AP3B1: variants seen among roughly 807,000 people sequenced by gnomAD.
The protein encoded by AP3B1 is adaptor related protein complex 3 subunit beta 1, also known as AP-3 complex subunit beta-1.
In AP3B1, 61 loss-of-function variants were observed where a neutral mutation model predicts 132.5. That is an observed-to-expected ratio of 0.46 (90% CI 0.37 to 0.57). The LOEUF is 0.57. Among genes scored for constraint, AP3B1 ranks in the 20% least tolerant of loss-of-function variants. The pLI, the probability that AP3B1 is intolerant of heterozygous loss-of-function variation, is 0.00. For synonymous variants in AP3B1, 388 were observed against 438.3 expected, an observed-to-expected ratio of 0.89 and a Z score of 1.43; for missense variants, 1,120 against 1,289.4, an observed-to-expected ratio of 0.87 and a Z score of 2.01.
intron 7 of AP3B1, among the ~76,000 whole-genome samples, chr5:78,191,354 C>CAAAAAAAAAAAAAAAAAAAAAA (rs34733864): frequency 1.4e-5 from 1 of 72,832 alleles, no homozygotes; most frequent in African/African-American, 5.5e-5. Context: ...TGCTTTTCCC[C>CAAAAAAAAAAAAAAAAAAAAAA]AAAAAAAAAA....
chr5:78,108,951 G>A lies in AP3B1; in HGVS notation c.2397+1256C>T, dbSNP rs147785840. Among the ~76,000 whole-genome samples the A allele has an allele frequency of 1.0e-3, 153 of 152,010 alleles. 3 individuals are homozygous for A. The East Asian group carries it at 0.028, about 27-fold the overall frequency. ...TTGACACTCACTGATTTCTTGTTCTGTCATTTTTAAAAAATACTTCTTACT... is the reference window on the plus strand; with the variant it reads ...TTGACACTCACTGATTTCTTGTTCTATCATTTTTAAAAAATACTTCTTACT... On this transcript the variant is annotated intron_variant, in intron 20 of 26. Transcript: ENST00000255194.
intron 6 of AP3B1, chr5:78,222,631 G>A (rs1746228668): frequency 6.6e-6 from 1 of 150,852 alleles, no homozygotes; most frequent in African/African-American, 2.4e-5. Context: ...TCTTTGTCAT[G>A]CAAAAAAAAA....
intron 23 of AP3B1, among the ~76,000 whole-genome samples, chr5:78,037,386 T>G (rs1747851839): frequency 6.6e-6 from 1 of 152,160 alleles, no homozygotes; most frequent in Non-Finnish European, 1.5e-5. Context: ...TGTCACACAT[T>G]ATATAATAAA....
At chr5:78,032,761 A>C (rs1376807386) in intron 24 of AP3B1, among the ~76,000 whole-genome samples, 2 of 152,078 alleles carry the variant, frequency 1.3e-5, no homozygotes, top group African/African-American at 4.8e-5. Flanking sequence ...TATCTTTATA[A>C]TAACAAAACA....
chr5:78,234,608 A>T (rs1281477154), intron 3 of AP3B1, among the ~76,000 whole-genome samples: 1 of 152,218 alleles, frequency 6.6e-6, no homozygotes, highest in Admixed American at 6.5e-5. Flanking sequence ...ATATCAAATC[A>T]ACACATAATA....
At chr5:78,206,873 G>C (rs1027599545) in intron 7 of AP3B1, among the ~76,000 whole-genome samples, 9 of 152,192 alleles carry the variant, frequency 5.9e-5, no homozygotes, top group African/African-American at 2.2e-4. Context: ...TGTAATCCCA[G>C]CACTTTGGGA....
intron 15 of AP3B1, among the ~76,000 whole-genome samples, chr5:78,131,837 T>A (rs1752702959): frequency 6.6e-6 from 1 of 152,130 alleles, no homozygotes; most frequent in Non-Finnish European, 1.5e-5. Context: ...TGATTGCTAT[T>A]TGCTAAAATT....
chr5:78,080,623 ATTTTT>A (rs66609184), intron 22 of AP3B1, among the ~76,000 whole-genome samples: 10 of 103,528 alleles, frequency 9.7e-5, no homozygotes, highest in Admixed American at 9.0e-4. Context: ...TATGCCTCCA[ATTTTT>A]TTTTTTTTTT....
chr5:78,005,278 G>T (rs1746343750), intron 26 of AP3B1, among the ~76,000 whole-genome samples: 2 of 152,166 alleles, frequency 1.3e-5, no homozygotes, highest in South Asian at 4.1e-4. Context: ...GGACCATAGA[G>T]AAGGAGATTA....
rs200733721 is a variant in AP3B1 at position 78,168,029 on chromosome 5, C to A, written c.1168-2357G>T. 5.3e-3 allele frequency among the ~76,000 whole-genome samples: 710 copies of A among 133,588 alleles called. 3 individuals are homozygous for A. Among genetic ancestry groups the A allele is most frequent in the South Asian group, 0.016 (68 of 4,312 alleles). 87.6% of individuals were successfully genotyped at this position (133,588 alleles called of 152,430 possible). A position where few individuals can be genotyped will look rare whatever the true frequency, so the allele number is the denominator to read the frequency against. ...AAACCTACTGAAAAAAAAAAAAAAA[C>A]AAAAAAAATAAAACAGCAAATGATC... On this transcript the variant is annotated intron_variant, in intron 11 of 26. Transcript: ENST00000255194.
intron 22 of AP3B1, among the ~76,000 whole-genome samples, chr5:78,055,543 T>C (rs1051137383): frequency 2.6e-5 from 4 of 152,186 alleles, no homozygotes; most frequent in South Asian, 4.1e-4. Context: ...TTAAAGACAA[T>C]GTTTATTAGC....
intron 2 of AP3B1, among the ~76,000 whole-genome samples, chr5:78,264,322 T>C (rs1400847782): frequency 6.6e-6 from 1 of 152,206 alleles, no homozygotes; most frequent in Non-Finnish European, 1.5e-5. Context: ...ATTTTGAATT[T>C]ACAGAAAACT....
chr5:78,049,015 A>G (rs1216663953), intron 22 of AP3B1, among the ~76,000 whole-genome samples: 4 of 152,248 alleles, frequency 2.6e-5, no homozygotes, highest in East Asian at 1.9e-4. Context: ...TGTATCTGCC[A>G]TATCTGTAGG....
intron 6 of AP3B1, among the ~76,000 whole-genome samples, chr5:78,224,737 C>CA (rs1280510903): frequency 9.2e-5 from 14 of 151,428 alleles, no homozygotes; most frequent in Admixed American, 1.3e-4. Flanking sequence ...GACATTAAAA[C>CA]AAAAAAATGT....
intron 20 of AP3B1, among the ~76,000 whole-genome samples, chr5:78,102,818 G>T (rs1751184263): frequency 6.6e-6 from 1 of 152,038 alleles, no homozygotes; most frequent in Admixed American, 6.5e-5. Flanking sequence ...AAAGCTGAAG[G>T]CAAGTCTATA....
chr5:78,277,973 C>T (rs1748855426), intron 1 of AP3B1, among the ~76,000 whole-genome samples: 1 of 152,164 alleles, frequency 6.6e-6, no homozygotes, highest in Non-Finnish European at 1.5e-5. Flanking sequence ...TACTTGGCCT[C>T]TTGGTAGGCA....
intron 1 of AP3B1, among the ~76,000 whole-genome samples, chr5:78,268,987 A>C (rs939726624): frequency 2.6e-5 from 4 of 152,234 alleles, no homozygotes; most frequent in African/African-American, 9.6e-5. Context: ...CCAAAACAGT[A>C]AAGATTTAGG....
At chr5:78,023,871 T>C (rs936475873) in intron 24 of AP3B1, among the ~76,000 whole-genome samples, 2 of 152,112 alleles carry the variant, frequency 1.3e-5, no homozygotes, top group Non-Finnish European at 2.9e-5. Flanking sequence ...AGCAGAAGCT[T>C]CCTGAGAATG....
At chr5:78,185,458 G>T (rs1055415520) in intron 7 of AP3B1, among the ~76,000 whole-genome samples, 25 of 152,182 alleles carry the variant, frequency 1.6e-4, no homozygotes, top group Non-Finnish European at 3.2e-4. Flanking sequence ...ATCAAAGGGA[G>T]CTAAGTGGTT....
Sources: allele counts gnomAD v4.1 joint callset (sites outside exome capture counted in the v4.1 genomes callset), GRCh38; gene constraint gnomAD v4.1.1; transcripts MANE v1.5; gene names NCBI Gene and HGNC (gene_info 2026-07-23, HGNC 2026-07-21).